Variants in CEP128 observed in about 807,000 individuals in gnomAD.
The protein encoded by CEP128 is centrosomal protein 128kDa.
A neutral mutation model predicts 156.7 loss-of-function variants in CEP128; 132 were observed. That is an observed-to-expected ratio of 0.84 (90% CI 0.73 to 0.97). CEP128 has a LOEUF of 0.97. CEP128 is among the 50% of genes least tolerant of loss of function. The probability of loss-of-function intolerance (pLI) is 0.00; values close to 1 mark genes in which losing one functional copy is unlikely to be tolerated. For missense variants in CEP128, 1,252 were observed against 1,281.9 expected (o/e 0.98, Z 0.36); for synonymous variants, 469 against 448.9 (o/e 1.04, Z -0.57).
At chr14:80,788,458 C>A (rs1901535176) in intron 14 of CEP128, among the ~76,000 whole-genome samples, 2 of 151,988 alleles carry the variant, frequency 1.3e-5, no homozygotes, top group African/African-American at 4.8e-5. Flanking sequence ...CTTAAACAAA[C>A]AAACAGAAAC....
At chr14:80,947,194 A>G (rs1264299447) in intron 2 of CEP128, among the ~76,000 whole-genome samples, 1 of 152,056 alleles carries the variant, frequency 6.6e-6, no homozygotes, top group Non-Finnish European at 1.5e-5. Flanking sequence ...ACAGCACACT[A>G]ACTATGTCCA....
intron 13 of CEP128, among the ~76,000 whole-genome samples, chr14:80,826,306 T>A (rs774502485): frequency 1.6e-4 from 25 of 152,124 alleles, no homozygotes; most frequent in Non-Finnish European, 3.1e-4. Flanking sequence ...TTCTTTATAA[T>A]CTAATCTAGG....
At chr14:80,834,888 T>C (rs544439936) in intron 12 of CEP128, among the ~76,000 whole-genome samples, 1 of 152,286 alleles carries the variant, frequency 6.6e-6, no homozygotes, top group African/African-American at 2.4e-5. Flanking sequence ...GGCTTGGATA[T>C]AGTTTATTTG....
At chr14:80,481,653 C>T (rs776505446) in intron 14 of CEP128, among the ~76,000 whole-genome samples, 5 of 152,204 alleles carry the variant, frequency 3.3e-5, no homozygotes, top group Non-Finnish European at 7.3e-5. Context: ...CCTCAGTTAA[C>T]AGCAAAGAGG....
chr14:80,875,163 G>C (rs890215936), intron 8 of CEP128, among the ~76,000 whole-genome samples: 75 of 152,264 alleles, frequency 4.9e-4, no homozygotes, highest in African/African-American at 1.8e-3. Flanking sequence ...ATGGGTCCCT[G>C]ATTAATCACT....
intron 19 of CEP128, among the ~76,000 whole-genome samples, chr14:80,670,571 C>A (rs914133183): frequency 6.6e-6 from 1 of 151,996 alleles, no homozygotes; most frequent in African/African-American, 2.4e-5. Context: ...TAAGTGGGAG[C>A]TAAATAATGT....
At chr14:80,861,710 G>A (rs1887520651) in intron 9 of CEP128, among the ~76,000 whole-genome samples, 1 of 152,050 alleles carries the variant, frequency 6.6e-6, no homozygotes, top group Non-Finnish European at 1.5e-5. Flanking sequence ...TCCTGGATCA[G>A]GAAAGGACAC....
chr14:80,888,075 C>A (rs1231774808), intron 8 of CEP128, among the ~76,000 whole-genome samples: 2 of 152,062 alleles, frequency 1.3e-5, no homozygotes, highest in African/African-American at 4.8e-5. Flanking sequence ...CAAGACTAAA[C>A]CAGGAAGAAG....
At chr14:80,647,149 T>A (rs1056584807) in intron 19 of CEP128, among the ~76,000 whole-genome samples, 2 of 136,338 alleles carry the variant, frequency 1.5e-5, no homozygotes, top group Non-Finnish European at 3.1e-5. Flanking sequence ...ACACACACAC[T>A]GCATTCTAGA....
intron 16 of CEP128, among the ~76,000 whole-genome samples, chr14:80,764,295 G>A (rs531514283): frequency 4.0e-4 from 61 of 151,744 alleles, no homozygotes; most frequent in African/African-American, 1.2e-3. Flanking sequence ...TCAGGAGATC[G>A]AGACCATCCT....
intron 2 of CEP128, among the ~76,000 whole-genome samples, chr14:80,926,377 C>G (rs985742381): frequency 1.3e-5 from 2 of 152,128 alleles, no homozygotes; most frequent in African/African-American, 4.8e-5. Flanking sequence ...TTACTGCCAC[C>G]CGCTACCACA....
intron 19 of CEP128, among the ~76,000 whole-genome samples, chr14:80,606,751 C>T (rs1461971720): frequency 6.6e-6 from 1 of 152,060 alleles, no homozygotes. Flanking sequence ...ACAATGACCT[C>T]TTTTCCCAAC....
chr14:80,508,168 G>T (rs1888072075), intron 23 of CEP128, among the ~76,000 whole-genome samples: 1 of 152,126 alleles, frequency 6.6e-6, no homozygotes, highest in African/African-American at 2.4e-5. Flanking sequence ...CACCTGCCTT[G>T]GCCCCCCAAA....
At chr14:80,760,678 CTG>C (rs1309064081) in intron 17 of CEP128, among the ~76,000 whole-genome samples, 17 of 152,042 alleles carry the variant, frequency 1.1e-4, no homozygotes, top group Non-Finnish European at 2.5e-4. Flanking sequence ...GTAATGTTCT[CTG>C]TATGTAAAAT....
intron 24 of CEP128, among the ~76,000 whole-genome samples, chr14:80,502,072 C>T (rs1887763055): frequency 6.6e-6 from 1 of 152,188 alleles, no homozygotes; most frequent in Non-Finnish European, 1.5e-5. Context: ...TGCAGAACTG[C>T]TTCTGAGCTG....
chr14:80,518,312 A>C (rs113749133), intron 23 of CEP128, among the ~76,000 whole-genome samples: 2,428 of 151,780 alleles, frequency 0.016, 67 homozygotes, highest in African/African-American at 0.056. Context: ...GGATGCAGTC[A>C]CCTTCCCAGC....
chr14:80,673,436 G>A (rs893079200), intron 19 of CEP128, among the ~76,000 whole-genome samples: 10 of 150,912 alleles, frequency 6.6e-5, no homozygotes, highest in African/African-American at 2.4e-4. Flanking sequence ...GAGGTCAGGA[G>A]ATCGAGACCA....
chr14:80,902,251 A>G (rs780686886), intron 6 of CEP128, among the ~76,000 whole-genome samples: 2 of 152,180 alleles, frequency 1.3e-5, no homozygotes. Flanking sequence ...TCTGCTCATC[A>G]CTGTTTCCAA....
chr14:80,590,570 T>A (rs1892010964), intron 19 of CEP128, among the ~76,000 whole-genome samples: 1 of 151,760 alleles, frequency 6.6e-6, no homozygotes, highest in Non-Finnish European at 1.5e-5. Flanking sequence ...TAATTTATTG[T>A]CATCAGACCT....
Sources: gnomAD v4.1 joint callset for allele counts (sites outside exome capture counted in the v4.1 genomes callset) on GRCh38, gnomAD v4.1.1 for gene constraint, MANE v1.5 for transcripts, NCBI Gene and HGNC (gene_info 2026-07-23, HGNC 2026-07-21) for gene names.